WWOX: variants seen among roughly 807,000 people sequenced by gnomAD.
The protein encoded by WWOX is WW domain containing oxidoreductase.
WWOX carries 69 observed loss-of-function variants against 46.2 expected under a neutral mutation model. The ratio of observed to expected loss-of-function variants is 1.49; its 90% CI spans 1.23 to 1.82. WWOX has a LOEUF of 1.82. Among genes scored for constraint, WWOX ranks in the 40% most tolerant of loss-of-function variants. The pLI is 0.00. For synonymous variants in WWOX, 359 were observed against 202.6 expected (o/e 1.77, Z -6.56); for missense variants, 919 against 542.6 (o/e 1.69, Z -6.89).
intron 8 of WWOX, among the ~76,000 whole-genome samples, chr16:79,075,009 C>T (rs991163493): frequency 6.6e-6 from 1 of 152,198 alleles, no homozygotes; most frequent in African/African-American, 2.4e-5. Flanking sequence ...TTCCCTACTC[C>T]TCAGTGACCC....
At chr16:78,945,928 C>A (rs896122942) in intron 8 of WWOX, among the ~76,000 whole-genome samples, 2 of 152,042 alleles carry the variant, frequency 1.3e-5, no homozygotes, top group African/African-American at 4.8e-5. Context: ...TTCATCTCAC[C>A]ACGTAGTCAT....
chr16:79,127,703 A>G (rs763544498), intron 8 of WWOX, among the ~76,000 whole-genome samples: 3 of 152,050 alleles, frequency 2.0e-5, no homozygotes, highest in Non-Finnish European at 2.9e-5. Flanking sequence ...CCCTCTACGG[A>G]GGTTGTTCTG....
intron 5 of WWOX, among the ~76,000 whole-genome samples, chr16:78,297,862 A>G (rs185662880): frequency 9.2e-5 from 14 of 152,216 alleles, no homozygotes; most frequent in Admixed American, 6.5e-4. Context: ...ATTTTTCCAT[A>G]TGGAGTTGAT....
intron 5 of WWOX, among the ~76,000 whole-genome samples, chr16:78,214,361 A>G (rs1277530460): frequency 1.3e-5 from 2 of 151,936 alleles, no homozygotes; most frequent in Non-Finnish European, 2.9e-5. Context: ...AATTGTTCCT[A>G]CCTCTTAGGG....
chr16:78,574,161 C>A (rs933915538), intron 8 of WWOX, among the ~76,000 whole-genome samples: 3 of 152,206 alleles, frequency 2.0e-5, no homozygotes. Flanking sequence ...GGGCTTTTCC[C>A]ACAAAGCAGC....
At chr16:78,675,325 TTAATG>T (rs1214938491) in intron 8 of WWOX, among the ~76,000 whole-genome samples, 7 of 152,298 alleles carry the variant, frequency 4.6e-5, no homozygotes, top group African/African-American at 1.2e-4. Flanking sequence ...TGTAGTAAGA[TTAATG>T]TAAAGATTTA....
chr16:78,945,115 G>C (rs2045924305), intron 8 of WWOX, among the ~76,000 whole-genome samples: 2 of 152,158 alleles, frequency 1.3e-5, no homozygotes, highest in Non-Finnish European at 1.5e-5. Flanking sequence ...GGGATATCAA[G>C]GCTACAGTGA....
At chr16:78,798,574 A>G (rs1289770590) in intron 8 of WWOX, among the ~76,000 whole-genome samples, 3 of 142,368 alleles carry the variant, frequency 2.1e-5, no homozygotes, top group East Asian at 2.0e-4. Flanking sequence ...CCCTCCCCCC[A>G]AGGTAGTTGT....
Position 78,751,461 on chromosome 16 carries a change from T to TTATATATATATA in WWOX, c.1056+318725_1056+318736dup, listed in dbSNP as rs71140824. ...AGATTATATATATATTTATCAGATT[T>TTATATATATATA]TATATATATATATATATATATATAT... On this transcript the variant is annotated intron_variant, in intron 8 of 8. Transcript: ENST00000566780. Among the ~76,000 whole-genome samples, 708 of 128,364 alleles carry TTATATATATATA rather than the reference T, an allele frequency of 5.5e-3. 5 individuals are homozygous for TTATATATATATA. Among genetic ancestry groups the TTATATATATATA allele is most frequent in the African/African-American group, 0.014 (458 of 33,392 alleles). The allele number at this position is 128,364 out of a possible 152,430, so 84.2% of individuals were successfully genotyped here. A position where few individuals can be genotyped will look rare whatever the true frequency, so the allele number is the denominator to read the frequency against.
chr16:78,231,462 C>A (rs1047091666), intron 5 of WWOX, among the ~76,000 whole-genome samples: 2 of 152,168 alleles, frequency 1.3e-5, no homozygotes, highest in African/African-American at 2.4e-5. Context: ...AGGTGGCCAT[C>A]GAAAATAGTC....
At chr16:78,976,856 G>A (rs2046582815) in intron 8 of WWOX, among the ~76,000 whole-genome samples, 1 of 152,166 alleles carries the variant, frequency 6.6e-6, no homozygotes, top group Non-Finnish European at 1.5e-5. Flanking sequence ...GGAGGGCAGA[G>A]GTTTGATAGC....
chr16:78,198,269 G>A (rs1321127860), intron 5 of WWOX, among the ~76,000 whole-genome samples: 2 of 151,848 alleles, frequency 1.3e-5, no homozygotes, highest in African/African-American at 4.8e-5. Flanking sequence ...GAAGATCCTG[G>A]GAACTGGATT....
intron 8 of WWOX, among the ~76,000 whole-genome samples, chr16:78,904,232 GC>G (rs1165488208): frequency 7.5e-6 from 1 of 133,420 alleles, no homozygotes; most frequent in Non-Finnish European, 1.6e-5. Flanking sequence ...TCTTATAAAT[GC>G]CTTTTTTTTT....
Position 78,309,471 on chromosome 16 carries a change from C to G in WWOX, c.517-77389C>G, listed in dbSNP as rs539215156. 4.6e-5 allele frequency among the ~76,000 whole-genome samples: 7 copies of G among 152,240 alleles called. No individual in the cohort carries two copies. The East Asian group carries it at 7.7e-4, about 17-fold the overall frequency. ...TAATATACCACGTATGACTTGGAAG[C>G]CCTCATCCCCATCACTTTGAGTTGT... On this transcript the variant is annotated intron_variant, in intron 5 of 8. Coordinates refer to ENST00000566780, the MANE Select transcript of WWOX (RefSeq NM_016373.4).
chr16:78,179,984 G>C (rs2035477129), intron 5 of WWOX, among the ~76,000 whole-genome samples: 1 of 152,284 alleles, frequency 6.6e-6, no homozygotes, highest in Admixed American at 6.5e-5. Flanking sequence ...CAGATCGGCT[G>C]GTTAGTTTTT....
At chr16:78,908,034 C>T (rs972707349) in intron 8 of WWOX, among the ~76,000 whole-genome samples, 4 of 152,090 alleles carry the variant, frequency 2.6e-5, no homozygotes, top group African/African-American at 9.7e-5. Context: ...TGGATGAAGC[C>T]CTGGCATACT....
chr16:78,438,046 A>G (rs111589714), intron 8 of WWOX, among the ~76,000 whole-genome samples: 32 of 152,290 alleles, frequency 2.1e-4, no homozygotes, highest in African/African-American at 7.5e-4. Context: ...TTTCAAGGCT[A>G]ATCTTGGGTT....
chr16:78,839,994 C>A (rs527319999), intron 8 of WWOX, among the ~76,000 whole-genome samples: 1 of 152,290 alleles, frequency 6.6e-6, no homozygotes, highest in East Asian at 1.9e-4. Flanking sequence ...CCTCCATTCC[C>A]TTTTCTGAGC....
At chr16:78,127,119 A>G (rs1198968532) in intron 4 of WWOX, among the ~76,000 whole-genome samples, 1 of 152,140 alleles carries the variant, frequency 6.6e-6, no homozygotes, top group Non-Finnish European at 1.5e-5. Flanking sequence ...ACCACTTCCT[A>G]TCTGTATGAC....
Sources: allele counts gnomAD v4.1 joint callset (sites outside exome capture counted in the v4.1 genomes callset), GRCh38; gene constraint gnomAD v4.1.1; transcripts MANE v1.5; gene names NCBI Gene and HGNC (gene_info 2026-07-23, HGNC 2026-07-21).